Variants in RIMBP2 observed in about 807,000 individuals in gnomAD.
RIMBP2 encodes the protein RIMS-binding protein 2.
A neutral mutation model predicts 118.6 loss-of-function variants in RIMBP2; 48 were observed. The observed-to-expected ratio is 0.40, with a 90% CI of 0.32 to 0.51. RIMBP2 has a LOEUF of 0.51. Ranked by LOEUF, RIMBP2 falls within the 20% of genes least tolerant of loss-of-function variation. RIMBP2 has a pLI of 0.41. For synonymous variants in RIMBP2, 762 were observed against 742.9 expected, an observed-to-expected ratio of 1.03 and a Z score of -0.42; for missense variants, 1,551 against 1,768.3, an observed-to-expected ratio of 0.88 and a Z score of 2.20.
chr12:130,468,160 T>C (rs78450136), intron 6 of RIMBP2, among the ~76,000 whole-genome samples: 3,196 of 152,318 alleles, frequency 0.021, 91 homozygotes, highest in East Asian at 0.16. Flanking sequence ...CATGGTTTCT[T>C]GGTCAACAGC....
chr12:130,482,273 T>C (rs2082079070), intron 4 of RIMBP2, among the ~76,000 whole-genome samples: 1 of 152,224 alleles, frequency 6.6e-6, no homozygotes, highest in Non-Finnish European at 1.5e-5. Flanking sequence ...CATTTATTCA[T>C]TCATTGCTTC....
chr12:130,562,955 T>C (rs1184177232), intron 2 of RIMBP2, among the ~76,000 whole-genome samples: 1 of 152,142 alleles, frequency 6.6e-6, no homozygotes, highest in Non-Finnish European at 1.5e-5. Flanking sequence ...TAAGCAGAAA[T>C]CTCTGACAGC....
Position 130,475,011 on chromosome 12 carries a change from C to A in RIMBP2, c.102+3901G>T, listed in dbSNP as rs900346291. ...CCCGGTCTCCAGGAAGCACGCGTCT[C>A]CCGGGAGAGCCTGAGGTTACCAGCA... On this transcript the variant is annotated intron_variant, in intron 5 of 22. Transcript: ENST00000690449. The surrounding 1 kb of genome is among the most constrained non-coding windows in gnomAD (Gnocchi z 4.1). Among the ~76,000 whole-genome samples the A allele has an allele frequency of 3.9e-5, 6 of 152,152 alleles. No homozygotes were observed. Among genetic ancestry groups the A allele is most frequent in the Non-Finnish European group, 8.8e-5 (6 of 68,040 alleles).
At chr12:130,592,041 G>C (rs942020702) in intron 2 of RIMBP2, among the ~76,000 whole-genome samples, 1 of 152,228 alleles carries the variant, frequency 6.6e-6, no homozygotes, top group Non-Finnish European at 1.5e-5. Context: ...AGAGCTCAAA[G>C]CTGGGTCAAG....
chr12:130,578,741 G>T lies in RIMBP2; in HGVS notation c.-217+49581C>A, dbSNP rs2058260365. 6.6e-6 allele frequency among the ~76,000 whole-genome samples: 1 copy of T among 152,176 alleles called. No homozygotes were observed. The highest frequency in any genetic ancestry group is 1.5e-5 in the Non-Finnish European group (1 of 68,036). On this transcript the variant is annotated intron_variant, in intron 2 of 22. Coordinates refer to ENST00000690449, the MANE Select transcript of RIMBP2 (RefSeq NM_001393629.1). The surrounding 1 kb of genome is among the most constrained non-coding windows in gnomAD (Gnocchi z 4.1). Reference sequence around the variant, plus strand: ...CCTGCCCCGTCTCCACACTTGGCTTGTGCCTTCCACTGCACGCTCCACTAT... The same window carrying T: ...CCTGCCCCGTCTCCACACTTGGCTTTTGCCTTCCACTGCACGCTCCACTAT...
At chr12:130,467,317 A>T (rs1305957516) in intron 6 of RIMBP2, among the ~76,000 whole-genome samples, 1 of 152,242 alleles carries the variant, frequency 6.6e-6, no homozygotes, top group African/African-American at 2.4e-5. Flanking sequence ...CCTGGAGATA[A>T]CATCACTATT....
intron 1 of RIMBP2, among the ~76,000 whole-genome samples, chr12:130,653,102 C>A (rs1448382607): frequency 6.6e-6 from 1 of 152,164 alleles, no homozygotes; most frequent in Non-Finnish European, 1.5e-5. Flanking sequence ...TACAATCATG[C>A]CTTCCCAACA....
rs983459297 is a variant in RIMBP2, at chr12:130,710,795, A to T, written c.-352+5427T>A. Among the ~76,000 whole-genome samples, 1 of 152,194 alleles carries T rather than the reference A, an allele frequency of 6.6e-6. No individual in the cohort carries two copies. The highest frequency in any genetic ancestry group is 1.5e-5 in the Non-Finnish European group (1 of 68,038). The stretch of plus-strand genomic sequence containing the variant: ...AGACCACAAAACACCAACAAATGAG[A>T]ATATCCCAAATGGACGTCTTCAGGC... On this transcript the variant is annotated intron_variant, in intron 1 of 22. Coordinates refer to ENST00000690449, the MANE Select transcript of RIMBP2 (RefSeq NM_001393629.1). This position sits in a 1 kb window ranked among gnomAD's most constrained non-coding sequence, Gnocchi z 4.3.
At position 130,688,816 on chromosome 12, in the gene RIMBP2, G is replaced by A. The variant is rs1474366328; in HGVS notation, c.-352+27406C>T. On this transcript the variant is annotated intron_variant, in intron 1 of 22. Coordinates refer to ENST00000690449, the MANE Select transcript of RIMBP2 (RefSeq NM_001393629.1). This position sits in a 1 kb window ranked among gnomAD's most constrained non-coding sequence, Gnocchi z 4.7. ...TCCGGCCCCCAATTCCAACTGCTCA[G>A]CTGAAACGTTTCGAACCAAGTCTAA... is the stretch of plus-strand genomic sequence containing the variant. Among the ~76,000 whole-genome samples, 1 of 152,256 alleles carries A rather than the reference G, an allele frequency of 6.6e-6. No individual in the cohort carries two copies. The highest frequency in any genetic ancestry group is 1.5e-5 in the Non-Finnish European group (1 of 68,050).
chr12:130,457,863 G>T (rs954994153), intron 6 of RIMBP2, among the ~76,000 whole-genome samples: 1 of 152,216 alleles, frequency 6.6e-6, no homozygotes, highest in African/African-American at 2.4e-5. Context: ...GGCTTGTCAG[G>T]TCTGCATGCA....
At chr12:130,451,111 A>G (rs1012177146) in intron 8 of RIMBP2, 84 bp downstream of exon 8, 2 of 1,464,968 alleles carry the variant, frequency 1.4e-6, no homozygotes, top group African/African-American at 1.4e-5. Flanking sequence ...GATGGGGAAG[A>G]AAAAACAGGA....
chr12:130,474,536 C>T (rs777375814), intron 5 of RIMBP2, among the ~76,000 whole-genome samples: 15 of 152,322 alleles, frequency 9.8e-5, no homozygotes, highest in East Asian at 3.9e-4. Flanking sequence ...GCCACATGAG[C>T]GAGCAGGCAT....
chr12:130,699,297 T>A (rs906853057), intron 1 of RIMBP2, among the ~76,000 whole-genome samples: 12 of 152,276 alleles, frequency 7.9e-5, no homozygotes, highest in African/African-American at 2.9e-4. Context: ...ATTGCGGCAC[T>A]ATTCACAATA....
At chr12:130,624,379 C>G (rs1420856185) in intron 2 of RIMBP2, among the ~76,000 whole-genome samples, 1 of 152,068 alleles carries the variant, frequency 6.6e-6, no homozygotes, top group Non-Finnish European at 1.5e-5. Flanking sequence ...AGTTGCAGAA[C>G]AGATTATGTG....
At chr12:130,571,782 C>G (rs1466851570) in intron 2 of RIMBP2, among the ~76,000 whole-genome samples, 1 of 152,118 alleles carries the variant, frequency 6.6e-6, no homozygotes, top group Non-Finnish European at 1.5e-5. Flanking sequence ...CCCCCATGGC[C>G]TCTCAGACCT....
intron 2 of RIMBP2, among the ~76,000 whole-genome samples, chr12:130,600,289 A>G (rs2059791900): frequency 6.6e-6 from 1 of 152,250 alleles, no homozygotes; most frequent in South Asian, 2.1e-4. Context: ...CTAATGGCTA[A>G]GGTCAGCATG....
chr12:130,399,553 G>GA (rs1477810181), intron 22 of RIMBP2, 126 bp downstream of exon 22: 29 of 1,119,834 alleles, frequency 2.6e-5, no homozygotes, highest in South Asian at 5.2e-5. Flanking sequence ...TCAGGGCAGA[G>GA]AAAAAAAATT....
chr12:130,474,513 C>T (rs2081271919), intron 5 of RIMBP2, among the ~76,000 whole-genome samples: 1 of 152,202 alleles, frequency 6.6e-6, no homozygotes, highest in African/African-American at 2.4e-5. Context: ...TGGAGGTGGG[C>T]AGTCGGCAAA....
chr12:130,646,229 AC>A (rs1566422763), intron 1 of RIMBP2, among the ~76,000 whole-genome samples: 3 of 60,344 alleles, frequency 5.0e-5, no homozygotes, highest in South Asian at 9.1e-4. Context: ...CTCCCTCACC[AC>A]CTGCCTCTCC....
Sources: allele counts gnomAD v4.1 joint callset (sites outside exome capture counted in the v4.1 genomes callset), GRCh38; gene constraint gnomAD v4.1.1; non-coding constraint Gnocchi (gnomAD v3.1); transcripts MANE v1.5; gene names NCBI Gene and HGNC (gene_info 2026-07-23, HGNC 2026-07-21).